Variants in FHIP2B observed in about 807,000 individuals in gnomAD.
FHIP2B encodes FHF complex subunit HOOK interacting protein 2B.
FHIP2B carries 72 observed loss-of-function variants against 84.0 expected under a neutral mutation model. The ratio of observed to expected loss-of-function variants is 0.86; its 90% CI spans 0.71 to 1.04. The LOEUF (loss-of-function observed/expected upper bound fraction) is 1.04. Ranked by LOEUF, FHIP2B falls within the 50% of genes least tolerant of loss-of-function variation. The pLI is 0.00. For missense variants in FHIP2B, 972 were observed against 968.9 expected (o/e 1.00, Z -0.04); for synonymous variants, 497 against 418.7 (o/e 1.19, Z -2.28).
intron 9 of FHIP2B, 59 bp downstream of exon 9, chr8:22,099,419 C>T: frequency 6.5e-7 from 1 of 1,546,390 alleles, no homozygotes; most frequent in Non-Finnish European, 8.8e-7. Flanking sequence ...CTACCCCACC[C>T]AGCCTCGTCC....
Position 22,096,616 on chromosome 8 carries a change from GA to G in FHIP2B, c.297+108del, listed in dbSNP as rs1166517552. On this transcript the variant is annotated intron_variant, in intron 3 of 16. Transcript: ENST00000289921. ...TGCGCTGGGCCAGGCCGAGGTGGGA[GA>G]CCCTCTGAGTGCTGGGCCAGGCTGA... 43 of 1,386,292 alleles carry G rather than the reference GA, an allele frequency of 3.1e-5. No individual in the cohort carries two copies. The African/African-American group carries it at 4.7e-4, about 15-fold the overall frequency. The allele number at this position is 1,386,292 out of a possible 1,614,324, so 85.9% of individuals were successfully genotyped here.
chr8:22,093,097 G>C (rs1288001784), intron 1 of FHIP2B, among the ~76,000 whole-genome samples: 1 of 152,130 alleles, frequency 6.6e-6, no homozygotes, highest in Non-Finnish European at 1.5e-5. Flanking sequence ...AGAGAGGTGT[G>C]GGCAGGCAGG....
At chr8:22,091,334 C>T (rs1021424982) in intron 1 of FHIP2B, among the ~76,000 whole-genome samples, 9 of 151,078 alleles carry the variant, frequency 6.0e-5, no homozygotes, top group Non-Finnish European at 1.0e-4. Flanking sequence ...TGACTGCAAC[C>T]TCCACCTCAA....
At chr8:22,091,244 T>A (rs1825477005) in intron 1 of FHIP2B, among the ~76,000 whole-genome samples, 3 of 18,916 alleles carry the variant, frequency 1.6e-4, no homozygotes, top group Admixed American at 8.1e-4. Context: ...TTACAGCTTT[T>A]TTTTTTTTTT....
In FHIP2B at chr8:22,096,467, G is replaced by A; in HGVS notation, c.255G>A (p.Gln85=). Residue 85 remains glutamine (Q), a synonymous_variant, in exon 3 of 17, where the codon CAG becomes CAA. Transcript: ENST00000289921. ...GGCCCTGCCTGGAGTACCTGCTGCA[G>A]CACAAGATCCTGGAGACTCTCTGCA... is the stretch of plus-strand genomic sequence containing the variant. ...EAGPCLEYLL[Q]HKILETLCTL... is the part of the protein sequence containing the mutation. 6.4e-7 allele frequency: 1 copy of A among 1,554,530 alleles called. No individual in the cohort carries two copies. Among genetic ancestry groups the A allele is most frequent in the Non-Finnish European group, 8.7e-7 (1 of 1,149,118 alleles).
In FHIP2B at chr8:22,101,749, T is replaced by A; in HGVS notation, c.1749T>A (p.Pro583=). Residue 583 remains proline, a synonymous_variant, in exon 14 of 17, where the codon CCT becomes CCA. Coordinates refer to ENST00000289921, the MANE Select transcript of FHIP2B (RefSeq NM_022749.7). The part of the protein sequence containing the change: ...CSSRVASWGW[P]LTPTPLDPHE... ...CCCGCGTCGCCTCCTGGGGCTGGCC[T>A]CTGACCCCCACACCTTTGGACCCCC... 6.2e-7 allele frequency: 1 copy of A among 1,613,316 alleles called. No individual in the cohort carries two copies. The highest frequency in any genetic ancestry group is 8.5e-7 in the Non-Finnish European group (1 of 1,179,714).
chr8:22,099,390 G>A (rs749502726), intron 9 of FHIP2B, 30 bp downstream of exon 9: 2 of 1,607,408 alleles, frequency 1.2e-6, no homozygotes, highest in Non-Finnish European at 1.7e-6. Flanking sequence ...AGGCATGACT[G>A]TGGTCTACAG....
intron 1 of FHIP2B, 52 bp downstream of exon 1, chr8:22,089,350 G>T (rs1431473184): frequency 1.7e-5 from 16 of 967,128 alleles, no homozygotes; most frequent in Non-Finnish European, 2.0e-5. Context: ...GCCTAGGCCG[G>T]GCTGGGCGGG....
chr8:22,090,732 C>T (rs1228967601), intron 1 of FHIP2B, among the ~76,000 whole-genome samples: 1 of 152,198 alleles, frequency 6.6e-6, no homozygotes, highest in African/African-American at 2.4e-5. Context: ...TCAAGCAATC[C>T]TCCCACCTCA....
chr8:22,091,240 C>CTT (rs71204535), intron 1 of FHIP2B, among the ~76,000 whole-genome samples: 8 of 117,704 alleles, frequency 6.8e-5, no homozygotes, highest in African/African-American at 2.4e-4. Flanking sequence ...ATCATTACAG[C>CTT]TTTTTTTTTT....
In FHIP2B at chr8:22,098,058, C is replaced by G; in HGVS notation, c.526-10C>G. The G allele has an allele frequency of 1.3e-6, 2 of 1,586,212 alleles. No individual in the cohort carries two copies. The highest frequency in any genetic ancestry group is 1.3e-5 in the African/African-American group (1 of 74,398). The stretch of plus-strand genomic sequence containing the variant: ...CCACCAGGTCTGGCCTCATCTCACC[C>G]TCTTTTCAGGGTAAAAAGATTGTAG... On this transcript the variant is annotated splice_polypyrimidine_tract_variant and intron_variant, in intron 5 of 16. Coordinates refer to ENST00000289921, the MANE Select transcript of FHIP2B (RefSeq NM_022749.7).
chr8:22,100,737 C>A lies in FHIP2B; in HGVS notation c.1485C>A (p.Thr495=). The part of the protein sequence containing the change: ...GSPEPESYED[T]LDLEEDPYFT... ...CAGAGCCTGAGAGCTATGAGGACAC[C>A]CTGTAAGTGAAACCGGCGCCCTTTG... The change falls in exon 11 of 17, where the codon ACC becomes ACA. Residue 495 remains threonine, a splice_region_variant and synonymous_variant. Transcript: ENST00000289921. 6.2e-7 allele frequency: 1 copy of A among 1,603,964 alleles called. No homozygotes were observed. Among genetic ancestry groups the A allele is most frequent in the Non-Finnish European group, 8.5e-7 (1 of 1,173,844 alleles).
At position 22,102,097 on chromosome 8, in the gene FHIP2B, C is replaced by T. The variant is rs1242987506; in HGVS notation, c.1852-78C>T. 13 of 1,608,412 alleles carry T rather than the reference C, an allele frequency of 8.1e-6. No homozygotes were observed. In the Admixed American group the frequency reaches 1.7e-4, roughly 21 times the overall value. ...CCACCCCCACACACGTTCACAGTGG[C>T]CAGGCACCTTGCTGGGGGAGTGCAA... On this transcript the variant is annotated intron_variant, in intron 14 of 16. Coordinates refer to ENST00000289921, the MANE Select transcript of FHIP2B (RefSeq NM_022749.7).
At chr8:22,101,622 AC>A in intron 13 of FHIP2B, 85 bp from the exon 14 acceptor site, 2 of 1,555,098 alleles carry the variant, frequency 1.3e-6, no homozygotes, top group Non-Finnish European at 1.7e-6. Context: ...CTGCCCAAGG[AC>A]CCCAGCCCAT....
At chr8:22,090,149 A>AGGGT (rs1825400599) in intron 1 of FHIP2B, among the ~76,000 whole-genome samples, 1 of 24,558 alleles carries the variant, frequency 4.1e-5, no homozygotes. Flanking sequence ...TATTCCCGGT[A>AGGGT]GGGTGGGGGG....
intron 1 of FHIP2B, among the ~76,000 whole-genome samples, chr8:22,093,498 A>T (rs6994183): frequency 0.1 from 15,426 of 152,164 alleles, 848 homozygotes; most frequent in Middle Eastern, 0.14. Context: ...GAGCCGGTAG[A>T]GGAGGAAACG....
intron 1 of FHIP2B, among the ~76,000 whole-genome samples, chr8:22,093,702 C>CTT (rs1825613422): frequency 1.2e-5 from 1 of 83,828 alleles, no homozygotes; most frequent in South Asian, 4.3e-4. Flanking sequence ...AATGGAAAAG[C>CTT]TTTGTCTTTT....
At position 22,099,885 on chromosome 8, in the gene FHIP2B, T is replaced by C. The variant is rs771720427; in HGVS notation, c.1333T>C (p.Ser445Pro). The C allele has an allele frequency of 3.1e-6, 5 of 1,609,202 alleles. No homozygotes were observed. Among genetic ancestry groups the C allele is most frequent in the Non-Finnish European group, 4.2e-6 (5 of 1,178,154 alleles). Residue 445 changes from serine to proline, a missense_variant, in exon 10 of 17, where the codon TCT becomes CCT. Transcript: ENST00000289921. ...TCTCATCGGGCATTGTGACCACCTCTCTGATGAGGTACAGTGGGGGACCTC... is the reference window on the plus strand; with the variant it reads ...TCTCATCGGGCATTGTGACCACCTCCCTGATGAGGTACAGTGGGGGACCTC... Reference protein sequence around the residue: ...AHLIGHCDHLSDEISITTLRL... With the variant: ...AHLIGHCDHLPDEISITTLRL...
chr8:22,092,598 GAA>G (rs1302358675), intron 1 of FHIP2B, among the ~76,000 whole-genome samples: 1 of 106,360 alleles, frequency 9.4e-6, no homozygotes. Context: ...TGTCTCAGAA[GAA>G]AAAAAAAAAG....
Sources: allele counts gnomAD v4.1 joint callset (sites outside exome capture counted in the v4.1 genomes callset), GRCh38; gene constraint gnomAD v4.1.1; transcripts MANE v1.5; gene names NCBI Gene and HGNC (gene_info 2026-07-23, HGNC 2026-07-21).